The following ACTN4 variants were observed in gnomAD, a reference collection of about 807,000 sequenced individuals.
ACTN4 encodes the protein actinin alpha 4, also known as alpha-actinin-4.
ACTN4 carries 18 observed loss-of-function variants against 114.2 expected under a neutral mutation model. The ratio of observed to expected loss-of-function variants is 0.16; its 90% CI spans 0.11 to 0.23. ACTN4 has a LOEUF of 0.23. Ranked by LOEUF, ACTN4 falls within the 10% of genes least tolerant of loss-of-function variation. ACTN4 has a pLI of 1.00. For synonymous variants in ACTN4, 515 were observed against 506.3 expected, an observed-to-expected ratio of 1.02 and a Z score of -0.23; for missense variants, 722 against 1,262.9, an observed-to-expected ratio of 0.57 and a Z score of 6.49.
At position 38,729,586 on chromosome 19, in the gene ACTN4, T is replaced by TCCTC. The variant is rs1438468899; in HGVS notation, c.*155_*158dup. ...CAGGGAGGGGCTGGGGCAGGCTCTCTCCTCTCTCTCTTTGTGGGTTGGCCA... is the reference window on the plus strand; with the variant it reads ...CAGGGAGGGGCTGGGGCAGGCTCTCTCCTCCCTCTCTCTCTTTGTGGGTTGGCCA... On this transcript the variant is annotated 3_prime_UTR_variant, in exon 21 of 21. Transcript: ENST00000252699. The TCCTC allele has an allele frequency of 3.8e-6, 4 of 1,064,268 alleles. No homozygotes were observed. The highest frequency in any genetic ancestry group is 4.0e-5 in the Admixed American group (2 of 50,128). The allele number at this position is 1,064,268 out of a possible 1,614,324, so 65.9% of individuals were successfully genotyped here.
At chr19:38,688,721 C>T (rs1380988180) in intron 1 of ACTN4, among the ~76,000 whole-genome samples, 1 of 147,934 alleles carries the variant, frequency 6.8e-6, no homozygotes, top group African/African-American at 2.5e-5. Flanking sequence ...AGTAAGACCC[C>T]AACCCTAAAA....
rs369898773 is a variant in ACTN4, at chr19:38,715,612, G to A, written c.912+1051G>A. On this transcript the variant is annotated intron_variant, in intron 9 of 20. Coordinates refer to ENST00000252699, the MANE Select transcript of ACTN4 (RefSeq NM_004924.6). ...ACCAGGAAAATTTGAAAAACTATTG[G>A]ATGTCCAACCTAAGAGGGCCAGCTT... Among the ~76,000 whole-genome samples the A allele has an allele frequency of 1.3e-3, 197 of 152,252 alleles. 4 individuals carry two copies. In the South Asian group the frequency reaches 0.027, roughly 21 times the overall value.
intron 1 of ACTN4, among the ~76,000 whole-genome samples, chr19:38,668,389 A>G (rs1382774274): frequency 6.6e-6 from 1 of 152,196 alleles, no homozygotes; most frequent in Non-Finnish European, 1.5e-5. Context: ...TCCTTAAAGA[A>G]AAGATGGACG....
chr19:38,722,397 C>T (rs568390759), intron 12 of ACTN4, among the ~76,000 whole-genome samples: 18 of 152,282 alleles, frequency 1.2e-4, no homozygotes, highest in African/African-American at 3.6e-4. Flanking sequence ...CTCTTTCCAC[C>T]GACACCCCCA....
intron 1 of ACTN4, among the ~76,000 whole-genome samples, chr19:38,670,366 T>C (rs1226735154): frequency 6.6e-6 from 1 of 152,166 alleles, no homozygotes; most frequent in East Asian, 1.9e-4. Context: ...GGCCTGTATC[T>C]TGTTGCTCAG....
Position 38,717,974 on chromosome 19 carries a change from C to G in ACTN4, c.1191C>G (p.Tyr397Ter). 1 of 1,608,548 alleles carries G rather than the reference C, an allele frequency of 6.2e-7. No homozygotes were observed. Among genetic ancestry groups the G allele is most frequent in the Non-Finnish European group, 8.5e-7 (1 of 1,177,528 alleles). The change falls in exon 11 of 21, where the codon TAC becomes TAG. Residue 397 changes from tyrosine to a stop codon, truncating the protein, a stop_gained. Transcript: ENST00000252699. LOFTEE classifies it high-confidence loss of function. This position sits in a 1 kb window ranked among gnomAD's most constrained non-coding sequence, Gnocchi z 4.0. ...ACTTGGAGCAGGCTGAGAAGGGCTA[C>G]GAGGAGTGGCTGCTGAATGAGATCC... ...WQHLEQAEKG[Y>*]EEWLLNEIRR...
chr19:38,704,497 A>G (rs1366328977), intron 3 of ACTN4, among the ~76,000 whole-genome samples: 1 of 152,266 alleles, frequency 6.6e-6, no homozygotes, highest in Non-Finnish European at 1.5e-5. Flanking sequence ...GAGATGAAAA[A>G]GACCACCTTT....
intron 11 of ACTN4, 46 bp from the exon 12 acceptor site, chr19:38,721,492 C>A: frequency 6.2e-7 from 1 of 1,611,856 alleles, no homozygotes; most frequent in Non-Finnish European, 8.5e-7. Flanking sequence ...GACTCCTGCC[C>A]CACAGCTGCC....
intron 12 of ACTN4, chr19:38,721,977 T>C (rs1880440625): frequency 2.0e-6 from 1 of 488,924 alleles, no homozygotes; most frequent in African/African-American, 2.0e-5. Context: ...CCTGGGGGTG[T>C]CACCTCTCCT....
intron 1 of ACTN4, among the ~76,000 whole-genome samples, chr19:38,697,660 C>T (rs181235048): frequency 8.0e-4 from 122 of 152,348 alleles, no homozygotes; most frequent in Non-Finnish European, 1.4e-3. Context: ...GCTGTTTGCA[C>T]GCGTGCGTGG....
intron 1 of ACTN4, among the ~76,000 whole-genome samples, chr19:38,648,525 G>A (rs1477106479): frequency 6.6e-6 from 1 of 150,750 alleles, no homozygotes; most frequent in Non-Finnish European, 1.5e-5. Flanking sequence ...GATGAAAACA[G>A]GGGCTAAGGG....
chr19:38,681,899 C>T (rs1035037865), intron 1 of ACTN4, among the ~76,000 whole-genome samples: 1 of 152,190 alleles, frequency 6.6e-6, no homozygotes, highest in Non-Finnish European at 1.5e-5. Context: ...AGCGCCATCT[C>T]GGCTTACTGC....
chr19:38,714,419 A>G, intron 8 of ACTN4, 50 bp from the exon 9 acceptor site: 1 of 1,567,498 alleles, frequency 6.4e-7, no homozygotes, highest in Non-Finnish European at 8.8e-7. Context: ...GCCCGTCAGG[A>G]GGGAGGGTGG....
At chr19:38,718,527 C>A (rs555705058) in intron 11 of ACTN4, among the ~76,000 whole-genome samples, 10 of 152,062 alleles carry the variant, frequency 6.6e-5, no homozygotes, top group Admixed American at 3.9e-4. Context: ...CAGAGCAAGA[C>A]CCTGTCTCAA....
In ACTN4 at chr19:38,709,341, C is replaced by T. The variant is rs371499695; in HGVS notation, c.652-54C>T. On this transcript the variant is annotated intron_variant, in intron 6 of 20. Coordinates refer to ENST00000252699, the MANE Select transcript of ACTN4 (RefSeq NM_004924.6). ...CTGGGCCAGCCCTGCCTCCCTCCTG[C>T]TCCTGCACCCTGCCCTGACGGAGTT... 32 of 1,388,502 alleles carry T rather than the reference C, an allele frequency of 2.3e-5. No individual in the cohort carries two copies. The East Asian group carries it at 3.9e-4, about 17-fold the overall frequency. The allele number at this position is 1,388,502 out of a possible 1,614,324, so 86.0% of individuals were successfully genotyped here.
At chr19:38,661,580 T>G (rs911244127) in intron 1 of ACTN4, among the ~76,000 whole-genome samples, 1 of 152,206 alleles carries the variant, frequency 6.6e-6, no homozygotes, top group African/African-American at 2.4e-5. Flanking sequence ...GTCTCCTTCT[T>G]TGAAGTTGGA....
intron 1 of ACTN4, among the ~76,000 whole-genome samples, chr19:38,679,640 G>A (rs1967493397): frequency 6.6e-6 from 1 of 150,694 alleles, no homozygotes; most frequent in South Asian, 2.1e-4. Context: ...CACCCAGGCT[G>A]GAGTACAGTG....
rs1052976532 is a variant in ACTN4 at position 38,730,551 on chromosome 19, TTTTA to T, written c.*1123_*1126del. 1.5e-5 allele frequency: 7 copies of T among 474,416 alleles called. No homozygotes were observed. The highest frequency in any genetic ancestry group is 2.6e-5 in the Non-Finnish European group (7 of 264,900). The allele number at this position is 474,416 out of a possible 1,614,324, so 29.4% of individuals were successfully genotyped here. On this transcript the variant is annotated 3_prime_UTR_variant, in exon 21 of 21. Transcript: ENST00000252699. ...GAAGGATTCCTGCAGCATCATCTTT[TTTTA>T]TTTCTCCTGTGTCTGTCCTCCACCT...
intron 3 of ACTN4, among the ~76,000 whole-genome samples, chr19:38,703,197 A>G (rs1968341625): frequency 6.6e-6 from 1 of 151,434 alleles, no homozygotes; most frequent in African/African-American, 2.4e-5. Flanking sequence ...GAGGCTGAAG[A>G]AGGTGTGGTC....
Sources: gnomAD v4.1 joint callset for allele counts (sites outside exome capture counted in the v4.1 genomes callset) on GRCh38, gnomAD v4.1.1 for gene constraint, Gnocchi (gnomAD v3.1) non-coding constraint, MANE v1.5 for transcripts, NCBI Gene and HGNC (gene_info 2026-07-23, HGNC 2026-07-21) for gene names.